Variants in NR6A1 observed in about 807,000 individuals in gnomAD.
NR6A1 encodes nuclear receptor subfamily 6 group A member 1.
Under a neutral mutation model 59.1 loss-of-function variants are expected in NR6A1, and 7 were observed. The ratio of observed to expected loss-of-function variants is 0.12; its 90% CI spans 0.07 to 0.22. NR6A1 has a LOEUF of 0.22. Ranked by LOEUF, NR6A1 falls within the 10% of genes least tolerant of loss-of-function variation. The pLI, the probability that NR6A1 is intolerant of heterozygous loss-of-function variation, is 1.00. For missense variants in NR6A1, 468 were observed against 611.6 expected, an observed-to-expected ratio of 0.77 and a Z score of 2.48; for synonymous variants, 243 against 236.1, an observed-to-expected ratio of 1.03 and a Z score of -0.27.
At chr9:124,636,397 A>C (rs1836613392) in intron 2 of NR6A1, among the ~76,000 whole-genome samples, 1 of 152,048 alleles carries the variant, frequency 6.6e-6, no homozygotes, top group Non-Finnish European at 1.5e-5. Flanking sequence ...TTTTTAACAG[A>C]AGAGAAGTTT....
chr9:124,550,730 C>G (rs1007127112), intron 3 of NR6A1, among the ~76,000 whole-genome samples: 1 of 151,834 alleles, frequency 6.6e-6, no homozygotes, highest in African/African-American at 2.4e-5. Context: ...GAGATGGAGT[C>G]TCACTATGCT....
chr9:124,726,807 G>T (rs1016316878), intron 2 of NR6A1, among the ~76,000 whole-genome samples: 4 of 152,218 alleles, frequency 2.6e-5, no homozygotes, highest in African/African-American at 9.6e-5. Context: ...ACCTTGGAAT[G>T]TAAGAGATCT....
chr9:124,684,963 T>C (rs1208345878), intron 2 of NR6A1, among the ~76,000 whole-genome samples: 1 of 152,132 alleles, frequency 6.6e-6, no homozygotes, highest in Non-Finnish European at 1.5e-5. Flanking sequence ...ATCATCTATC[T>C]TGCAGATGGC....
At chr9:124,646,000 A>C (rs918821075) in intron 2 of NR6A1, among the ~76,000 whole-genome samples, 4 of 152,252 alleles carry the variant, frequency 2.6e-5, no homozygotes, top group African/African-American at 9.6e-5. Context: ...AAGATTAAAC[A>C]ATACAATTCT....
intron 2 of NR6A1, among the ~76,000 whole-genome samples, chr9:124,654,065 A>G (rs192349063): frequency 2.1e-4 from 32 of 152,366 alleles, no homozygotes; most frequent in Non-Finnish European, 4.3e-4. Context: ...CTCGTTGAAC[A>G]AACCCTCTCT....
intron 2 of NR6A1, among the ~76,000 whole-genome samples, chr9:124,659,245 A>G (rs1471297942): frequency 6.9e-6 from 1 of 144,616 alleles, no homozygotes; most frequent in African/African-American, 2.5e-5. Context: ...TCGATAGGCC[A>G]GCAGTGGGTG....
intron 9 of NR6A1, among the ~76,000 whole-genome samples, chr9:124,523,164 C>T (rs1168275732): frequency 6.6e-6 from 1 of 152,096 alleles, no homozygotes; most frequent in Non-Finnish European, 1.5e-5. Flanking sequence ...AACTTCTGTC[C>T]TGTTTTCTTC....
chr9:124,758,389 C>T (rs1329708820), intron 1 of NR6A1, among the ~76,000 whole-genome samples: 2 of 152,146 alleles, frequency 1.3e-5, no homozygotes, highest in African/African-American at 2.4e-5. Flanking sequence ...TCAAATGAAG[C>T]GCATTTAATC....
intron 2 of NR6A1, among the ~76,000 whole-genome samples, chr9:124,686,798 G>T (rs1415428469): frequency 6.6e-6 from 1 of 151,642 alleles, no homozygotes; most frequent in East Asian, 1.9e-4. Flanking sequence ...CAACCTCCTG[G>T]GTTCAACTGA....
chr9:124,683,642 A>C (rs1838241378), intron 2 of NR6A1, among the ~76,000 whole-genome samples: 1 of 152,082 alleles, frequency 6.6e-6, no homozygotes. Context: ...AAAGATACAA[A>C]AATTATCTGG....
At chr9:124,688,101 T>C (rs554590801) in intron 2 of NR6A1, among the ~76,000 whole-genome samples, 2 of 152,264 alleles carry the variant, frequency 1.3e-5, no homozygotes, top group South Asian at 2.1e-4. Context: ...GTGGGAGGAC[T>C]GTTTGAGGCA....
intron 2 of NR6A1, among the ~76,000 whole-genome samples, chr9:124,714,485 A>G (rs991968455): frequency 2.0e-5 from 3 of 152,232 alleles, no homozygotes; most frequent in Non-Finnish European, 4.4e-5. Context: ...TCCCCCTAAG[A>G]TTAAGAACAA....
intron 2 of NR6A1, chr9:124,693,825 G>T (rs1399830788): frequency 1.9e-6 from 1 of 530,394 alleles, no homozygotes; most frequent in South Asian, 1.4e-5. Context: ...AGCATGTGCA[G>T]AGAGTCGCCT....
intron 2 of NR6A1, among the ~76,000 whole-genome samples, chr9:124,645,886 C>T (rs1836916226): frequency 6.6e-6 from 1 of 152,146 alleles, no homozygotes; most frequent in Non-Finnish European, 1.5e-5. Flanking sequence ...TAAACCACAT[C>T]TTAACAAATT....
intron 2 of NR6A1, among the ~76,000 whole-genome samples, chr9:124,626,008 ATTCAT>A (rs1397889944): frequency 6.6e-6 from 1 of 152,024 alleles, no homozygotes; most frequent in Non-Finnish European, 1.5e-5. Flanking sequence ...CTGTGTCTTT[ATTCAT>A]TTATTTATTT....
In NR6A1 at chr9:124,525,892, A is replaced by G. The variant is rs369855697; in HGVS notation, c.1201+887T>C. Reference sequence around the variant, plus strand: ...ATCAGAATGTATACTTCTTGAGACCAGAGACCTGAGTCTAAGTTTTCTCAA... The same window carrying G: ...ATCAGAATGTATACTTCTTGAGACCGGAGACCTGAGTCTAAGTTTTCTCAA... On this transcript the variant is annotated intron_variant, in intron 8 of 9. Transcript: ENST00000487099. 3.7e-4 allele frequency among the ~76,000 whole-genome samples: 57 copies of G among 152,350 alleles called. 1 individual carries two copies. In the South Asian group the frequency reaches 5.6e-3, roughly 15 times the overall value.
chr9:124,729,795 AATTTT>A (rs1003107850), intron 2 of NR6A1, among the ~76,000 whole-genome samples: 3 of 152,170 alleles, frequency 2.0e-5, no homozygotes, highest in Admixed American at 6.5e-5. Context: ...ACTGAAATAA[AATTTT>A]ATTTTGTCTA....
At position 124,756,256 on chromosome 9, in the gene NR6A1, G is replaced by A. The variant is rs193141776; in HGVS notation, c.100+14764C>T. The stretch of plus-strand genomic sequence containing the variant: ...CTCAAGGCTTTTAATTACTAACCAG[G>A]AATTGAGGAGGTTTGTACCCGCTAT... On this transcript the variant is annotated intron_variant, in intron 1 of 9. Transcript: ENST00000487099. 2.0e-3 allele frequency among the ~76,000 whole-genome samples: 306 copies of A among 152,266 alleles called. 4 individuals carry two copies. Among genetic ancestry groups the A allele is most frequent in the Admixed American group, 0.019 (298 of 15,292 alleles).
chr9:124,701,522 A>C (rs1230409367), intron 2 of NR6A1, among the ~76,000 whole-genome samples: 7 of 152,214 alleles, frequency 4.6e-5, no homozygotes, highest in African/African-American at 1.7e-4. Flanking sequence ...CCTAAACAAG[A>C]ACTCTGTACC....
Sources: allele counts gnomAD v4.1 joint callset (sites outside exome capture counted in the v4.1 genomes callset), GRCh38; gene constraint gnomAD v4.1.1; transcripts MANE v1.5; gene names NCBI Gene and HGNC (gene_info 2026-07-23, HGNC 2026-07-21).